The following NTM variants were observed in gnomAD, a reference collection of about 807,000 sequenced individuals.
NTM encodes IgLON family member 2.
Under a neutral mutation model 42.1 loss-of-function variants are expected in NTM, and 13 were observed. The observed-to-expected ratio is 0.31, with a 90% CI of 0.20 to 0.49. The LOEUF (loss-of-function observed/expected upper bound fraction) is 0.49. Among genes scored for constraint, NTM ranks in the 20% least tolerant of loss-of-function variants. The pLI is 0.99. For synonymous variants in NTM, 187 were observed against 179.2 expected (o/e 1.04, Z -0.35); for missense variants, 373 against 452.8 (o/e 0.82, Z 1.60).
intron 1 of NTM, among the ~76,000 whole-genome samples, chr11:131,563,972 C>T (rs981577386): frequency 2.0e-5 from 3 of 152,126 alleles, no homozygotes; most frequent in Non-Finnish European, 4.4e-5. Flanking sequence ...TGACTCTGCT[C>T]CCCAGACCTT....
intron 1 of NTM, among the ~76,000 whole-genome samples, chr11:131,816,496 A>C (rs1349679730): frequency 1.3e-4 from 19 of 151,922 alleles, no homozygotes; most frequent in Admixed American, 1.2e-3. Context: ...AGACGAAATG[A>C]CGGTAGTTGA....
At chr11:132,037,398 T>G (rs2076640046) in intron 2 of NTM, among the ~76,000 whole-genome samples, 1 of 152,156 alleles carries the variant, frequency 6.6e-6, no homozygotes, top group African/African-American at 2.4e-5. Flanking sequence ...AATAAACCTT[T>G]TTTCATTATA....
chr11:131,381,376 T>C (rs1232928051), intron 1 of NTM, among the ~76,000 whole-genome samples: 7 of 152,186 alleles, frequency 4.6e-5, no homozygotes, highest in African/African-American at 1.4e-4. Context: ...AATGGATTAA[T>C]CAACAGCTTT....
At chr11:131,980,771 CAAAT>C (rs2065105234) in intron 2 of NTM, among the ~76,000 whole-genome samples, 1 of 152,076 alleles carries the variant, frequency 6.6e-6, no homozygotes, top group South Asian at 2.1e-4. Context: ...GGAAGTTAAA[CAAAT>C]AAGTACAATC....
intron 2 of NTM, among the ~76,000 whole-genome samples, chr11:132,134,423 T>G (rs1157102645): frequency 6.6e-6 from 1 of 151,806 alleles, no homozygotes; most frequent in Non-Finnish European, 1.5e-5. Context: ...TTGGTGCACC[T>G]TCACTCGAGC....
chr11:132,307,717 C>T lies in NTM; in HGVS notation c.555C>T (p.Tyr185=). The change falls in exon 5 of 9, where the codon TAC becomes TAT. Residue 185 remains tyrosine (Y), a synonymous_variant. Transcript: ENST00000683400. ...KAVGFVSEDE[Y]LEIQGITREQ... ...TTGGCTTTGTGAGTGAAGACGAATA[C>T]TTGGAAATTCAGGGCATCACCAGGG... 1.2e-6 allele frequency: 2 copies of T among 1,614,220 alleles called. No homozygotes were observed. Among genetic ancestry groups the T allele is most frequent in the Non-Finnish European group, 1.7e-6 (2 of 1,180,028 alleles).
intron 1 of NTM, chr11:131,539,739 AG>A (rs2052898277): frequency 6.5e-6 from 1 of 152,746 alleles, no homozygotes. Context: ...TGGACTTACC[AG>A]CAGGAGAGGA....
chr11:131,396,283 A>T (rs949656627), intron 1 of NTM, among the ~76,000 whole-genome samples: 1 of 152,170 alleles, frequency 6.6e-6, no homozygotes, highest in African/African-American at 2.4e-5. Context: ...TCTATAAAAT[A>T]TTAACTGGCA....
At chr11:132,275,690 T>TTATATATATACG (rs771096649) in intron 4 of NTM, among the ~76,000 whole-genome samples, 11,379 of 99,658 alleles carry the variant, frequency 0.11, 619 homozygotes, top group Middle Eastern at 0.24. Context: ...ACTTGATGTT[T>TTATATATATACG]TATATATATA....
At chr11:132,283,678 C>T (rs920259769) in intron 4 of NTM, among the ~76,000 whole-genome samples, 3 of 152,160 alleles carry the variant, frequency 2.0e-5, no homozygotes, top group Admixed American at 6.5e-5. Context: ...TTGCTTCCAC[C>T]TCTAGGCGGT....
intron 2 of NTM, among the ~76,000 whole-genome samples, chr11:132,082,891 G>C (rs955230131): frequency 6.6e-6 from 1 of 152,170 alleles, no homozygotes; most frequent in Non-Finnish European, 1.5e-5. Context: ...AAACAAAAGC[G>C]AGGGTAAGGA....
intron 1 of NTM, among the ~76,000 whole-genome samples, chr11:131,872,195 A>G (rs1023812800): frequency 2.0e-5 from 3 of 152,176 alleles, no homozygotes; most frequent in Non-Finnish European, 4.4e-5. Flanking sequence ...CTATTCACAA[A>G]CAGGTGAGGA....
At chr11:131,744,581 T>A (rs1168878227) in intron 1 of NTM, among the ~76,000 whole-genome samples, 1 of 152,076 alleles carries the variant, frequency 6.6e-6, no homozygotes, top group East Asian at 1.9e-4. Flanking sequence ...AAAGAAGAAG[T>A]CTATTAAGGA....
chr11:131,641,593 G>A (rs370303812), intron 1 of NTM, among the ~76,000 whole-genome samples: 6 of 152,130 alleles, frequency 3.9e-5, no homozygotes, highest in South Asian at 2.1e-4. Context: ...CATTTCCAAG[G>A]GGGGGAAGCT....
At chr11:132,051,206 C>CGAT (rs1360415303) in intron 2 of NTM, among the ~76,000 whole-genome samples, 5 of 152,032 alleles carry the variant, frequency 3.3e-5, no homozygotes, top group African/African-American at 1.2e-4. Context: ...TAACATATGA[C>CGAT]GATGATTTTT....
At chr11:131,747,368 T>A (rs1384292138) in intron 1 of NTM, among the ~76,000 whole-genome samples, 1 of 152,328 alleles carries the variant, frequency 6.6e-6, no homozygotes, top group South Asian at 2.1e-4. Context: ...CTCTTCCAGT[T>A]GCTAGCACAC....
chr11:131,781,585 A>G (rs1233371196), intron 1 of NTM, among the ~76,000 whole-genome samples: 1 of 152,238 alleles, frequency 6.6e-6, no homozygotes, highest in Non-Finnish European at 1.5e-5. Context: ...GGAATATAGC[A>G]TAAAATAAAC....
chr11:131,957,162 T>C (rs1565822139), intron 2 of NTM, among the ~76,000 whole-genome samples: 1 of 152,388 alleles, frequency 6.6e-6, no homozygotes, highest in Non-Finnish European at 1.5e-5. Context: ...AGTCTTGTTT[T>C]CTTTCCAAGA....
At chr11:131,702,863 G>A (rs986550817) in intron 1 of NTM, among the ~76,000 whole-genome samples, 5 of 152,092 alleles carry the variant, frequency 3.3e-5, no homozygotes, top group African/African-American at 4.8e-5. Flanking sequence ...TAATATAAAC[G>A]GTGAGTTTTA....
Sources: allele counts gnomAD v4.1 joint callset (sites outside exome capture counted in the v4.1 genomes callset), GRCh38; gene constraint gnomAD v4.1.1; transcripts MANE v1.5; gene names NCBI Gene and HGNC (gene_info 2026-07-23, HGNC 2026-07-21).